The following KCNMA1 variants were observed in gnomAD, a reference collection of about 807,000 sequenced individuals.
KCNMA1 encodes the protein potassium calcium-activated channel subfamily M alpha 1.
Under a neutral mutation model 140.0 loss-of-function variants are expected in KCNMA1, and 29 were observed. The observed-to-expected ratio is 0.21, with a 90% CI of 0.15 to 0.28. The LOEUF is 0.28. KCNMA1 is among the 10% of genes least tolerant of loss of function. The probability of loss-of-function intolerance (pLI) is 1.00; values close to 1 mark genes in which losing one functional copy is unlikely to be tolerated. For missense variants in KCNMA1, 880 were observed against 1,602.2 expected, an observed-to-expected ratio of 0.55 and a Z score of 7.70; for synonymous variants, 612 against 611.9, an observed-to-expected ratio of 1.00 and a Z score of 0.00.
At chr10:77,009,612 A>G (rs562245700) in intron 18 of KCNMA1, among the ~76,000 whole-genome samples, 10 of 152,254 alleles carry the variant, frequency 6.6e-5, no homozygotes, top group African/African-American at 2.4e-4. Context: ...GCTTCCTAAT[A>G]TAGGACTAAA....
intron 23 of KCNMA1, among the ~76,000 whole-genome samples, chr10:76,930,838 A>G (rs572698537): frequency 1.5e-4 from 23 of 152,364 alleles, no homozygotes; most frequent in African/African-American, 2.6e-4. Flanking sequence ...CTGTCATTCA[A>G]CAACATAGAT....
At chr10:76,955,688 A>G (rs920288474) in intron 20 of KCNMA1, among the ~76,000 whole-genome samples, 4 of 152,232 alleles carry the variant, frequency 2.6e-5, no homozygotes, top group Non-Finnish European at 4.4e-5. Context: ...AAAAAGGCTG[A>G]TAAGAACTAT....
chr10:77,478,646 G>A (rs1381943956), intron 1 of KCNMA1, among the ~76,000 whole-genome samples: 1 of 152,112 alleles, frequency 6.6e-6, no homozygotes, highest in African/African-American at 2.4e-5. Flanking sequence ...CTACATGTGA[G>A]GTATTTCATT....
intron 1 of KCNMA1, among the ~76,000 whole-genome samples, chr10:77,408,230 A>G (rs1364070271): frequency 2.0e-5 from 3 of 152,208 alleles, no homozygotes; most frequent in African/African-American, 7.2e-5. Context: ...ACTGCCTCAC[A>G]GGGGAACAAA....
intron 1 of KCNMA1, among the ~76,000 whole-genome samples, chr10:77,436,653 C>T (rs1690770098): frequency 6.6e-6 from 1 of 152,202 alleles, no homozygotes; most frequent in East Asian, 1.9e-4. Context: ...CACACAGGTA[C>T]TACAGCACTA....
At chr10:76,910,127 T>C (rs1341118851) in intron 24 of KCNMA1, 31 bp from the exon 25 acceptor site, 4 of 1,612,516 alleles carry the variant, frequency 2.5e-6, no homozygotes, top group Non-Finnish European at 3.4e-6. Flanking sequence ...GAATTAGCTC[T>C]GAAGACCACA....
intron 2 of KCNMA1, among the ~76,000 whole-genome samples, chr10:77,324,020 A>G (rs2083131386): frequency 6.6e-6 from 1 of 152,246 alleles, no homozygotes; most frequent in African/African-American, 2.4e-5. Context: ...GGGAAAAAGA[A>G]GAGGGTAAGA....
chr10:76,931,713 G>A (rs766942947), intron 23 of KCNMA1, among the ~76,000 whole-genome samples: 23 of 152,100 alleles, frequency 1.5e-4, no homozygotes, highest in Non-Finnish European at 2.1e-4. Flanking sequence ...GAGCAGCTGC[G>A]TTGCATGGCG....
At chr10:77,424,380 A>C (rs563931156) in intron 1 of KCNMA1, among the ~76,000 whole-genome samples, 56 of 152,228 alleles carry the variant, frequency 3.7e-4, no homozygotes, top group Non-Finnish European at 3.8e-4. Context: ...ATGAAGGCTC[A>C]GAGAGGTCAA....
At chr10:77,010,359 T>C (rs1239578608) in intron 18 of KCNMA1, among the ~76,000 whole-genome samples, 1 of 151,918 alleles carries the variant, frequency 6.6e-6, no homozygotes. Context: ...AAGAAGGTCT[T>C]TGGATTCATG....
At chr10:77,531,834 T>C in intron 1 of KCNMA1, among the ~76,000 whole-genome samples, 1 of 152,204 alleles carries the variant, frequency 6.6e-6, no homozygotes, top group Non-Finnish European at 1.5e-5. Context: ...AACAAGGGAC[T>C]TGCCCACGGG....
intron 19 of KCNMA1, chr10:76,970,616 C>T (rs1341488025): frequency 2.3e-5 from 4 of 177,378 alleles, no homozygotes; most frequent in South Asian, 1.2e-4. Context: ...TCAATCAGAT[C>T]GGGGCACATT....
At chr10:77,266,023 G>T (rs2063335247) in intron 2 of KCNMA1, among the ~76,000 whole-genome samples, 1 of 150,870 alleles carries the variant, frequency 6.6e-6, no homozygotes, top group African/African-American at 2.4e-5. Context: ...GGAGGTTGCA[G>T]TGAGCTGAGA....
chr10:77,586,741 CA>C (rs1340044113), intron 1 of KCNMA1, among the ~76,000 whole-genome samples: 8 of 152,148 alleles, frequency 5.3e-5, no homozygotes, highest in Non-Finnish European at 1.0e-4. Flanking sequence ...ATGTGCATAC[CA>C]GTGGAGTACT....
At chr10:77,606,019 C>A (rs2154567117) in intron 1 of KCNMA1, among the ~76,000 whole-genome samples, 1 of 152,294 alleles carries the variant, frequency 6.6e-6, no homozygotes, top group South Asian at 2.1e-4. Flanking sequence ...GCCGCAACAC[C>A]CATGACTATA....
intron 1 of KCNMA1, among the ~76,000 whole-genome samples, chr10:77,481,549 C>T (rs1022583714): frequency 1.3e-5 from 2 of 151,704 alleles, no homozygotes; most frequent in South Asian, 2.1e-4. Context: ...CCGAGACGGG[C>T]GGATCACAAG....
At chr10:77,220,540 A>G (rs1420644753) in intron 3 of KCNMA1, among the ~76,000 whole-genome samples, 1 of 152,214 alleles carries the variant, frequency 6.6e-6, no homozygotes, top group African/African-American at 2.4e-5. Flanking sequence ...AGGAGAGCAG[A>G]TAAGTGATAA....
At chr10:76,978,250 A>C (rs2078296693) in intron 19 of KCNMA1, among the ~76,000 whole-genome samples, 2 of 152,226 alleles carry the variant, frequency 1.3e-5, no homozygotes, top group South Asian at 4.1e-4. Context: ...AGGTAGTTTC[A>C]GAAAAGAAAA....
intron 18 of KCNMA1, chr10:77,008,149 C>A: frequency 6.5e-7 from 1 of 1,530,296 alleles, no homozygotes; most frequent in Non-Finnish European, 8.8e-7. Flanking sequence ...ACAGGGGGAA[C>A]TGGACTCCGG....
Sources: allele counts gnomAD v4.1 joint callset (sites outside exome capture counted in the v4.1 genomes callset), GRCh38; gene constraint gnomAD v4.1.1; transcripts MANE v1.5; gene names NCBI Gene and HGNC (gene_info 2026-07-23, HGNC 2026-07-21).